Variants in ANKRD55 observed in about 807,000 individuals in gnomAD.
ANKRD55 encodes ankyrin repeat domain 55.
Under a neutral mutation model 60.6 loss-of-function variants are expected in ANKRD55, and 41 were observed. The ratio of observed to expected loss-of-function variants is 0.68; its 90% CI spans 0.53 to 0.88. The LOEUF (loss-of-function observed/expected upper bound fraction) is 0.88, where lower values mean the gene tolerates loss of function less well. Among genes scored for constraint, ANKRD55 ranks in the 40% least tolerant of loss-of-function variants. The pLI, the probability that ANKRD55 is intolerant of heterozygous loss-of-function variation, is 0.00. For synonymous variants in ANKRD55, 264 were observed against 290.3 expected (o/e 0.91, Z 0.92); for missense variants, 732 against 767.6 (o/e 0.95, Z 0.55).
intron 3 of ANKRD55, among the ~76,000 whole-genome samples, chr5:56,183,283 G>A (rs1251737633): frequency 6.6e-6 from 1 of 151,982 alleles, no homozygotes; most frequent in Non-Finnish European, 1.5e-5. Context: ...TGCTCTTTCC[G>A]TACCTTTTCC....
chr5:56,144,455 C>T (rs1217895301), intron 6 of ANKRD55, among the ~76,000 whole-genome samples: 1 of 151,710 alleles, frequency 6.6e-6, no homozygotes, highest in Non-Finnish European at 1.5e-5. Flanking sequence ...TCCTCTATCT[C>T]TAATGCCTAG....
intron 5 of ANKRD55, among the ~76,000 whole-genome samples, chr5:56,166,136 T>TTCTTTCTTTCTTTC (rs1758460535): frequency 9.8e-6 from 1 of 102,116 alleles, no homozygotes; most frequent in Admixed American, 1.0e-4. Context: ...CTTTCTTTCT[T>TTCTTTCTTTCTTTC]TCTTTCTTTC....
chr5:56,229,978 CA>C (rs1760210096), intron 2 of ANKRD55, among the ~76,000 whole-genome samples: 1 of 152,224 alleles, frequency 6.6e-6, no homozygotes. Context: ...ACTGGTTCTG[CA>C]TCTTTGCTGT....
Position 56,172,634 on chromosome 5 carries a change from C to A in ANKRD55, c.313-1831G>T, listed in dbSNP as rs76084050. Among the ~76,000 whole-genome samples the A allele has an allele frequency of 3.4e-3, 522 of 152,146 alleles. 10 individuals carry two copies. Among genetic ancestry groups the A allele is most frequent in the Middle Eastern group, 0.02 (6 of 294 alleles). ...AACCATTGAATATACTATCTGAAAC[C>A]CTTGGTCAGTCACTATTAAGAACCA... On this transcript the variant is annotated intron_variant, in intron 4 of 11. Coordinates refer to ENST00000341048, the MANE Select transcript of ANKRD55 (RefSeq NM_024669.3).
intron 5 of ANKRD55, among the ~76,000 whole-genome samples, chr5:56,167,597 G>C (rs536820388): frequency 2.4e-4 from 36 of 152,320 alleles, no homozygotes; most frequent in African/African-American, 8.2e-4. Context: ...AGCTAGCATT[G>C]CCATAACTAA....
chr5:56,146,552 T>A (rs1198334130), intron 6 of ANKRD55, among the ~76,000 whole-genome samples: 1 of 152,116 alleles, frequency 6.6e-6, no homozygotes, highest in Non-Finnish European at 1.5e-5. Flanking sequence ...AATGCTGGGA[T>A]TACAAGAGTG....
chr5:56,190,372 T>C (rs568043764), intron 2 of ANKRD55, among the ~76,000 whole-genome samples: 7 of 152,340 alleles, frequency 4.6e-5, no homozygotes, highest in African/African-American at 1.7e-4. Context: ...TCTGTGCATT[T>C]GATGTCATAG....
rs543547469 is a variant in ANKRD55, at chr5:56,120,276, C to G, written c.798-3494G>C. Among the ~76,000 whole-genome samples, 15 of 152,256 alleles carry G rather than the reference C, an allele frequency of 9.9e-5. No individual in the cohort carries two copies. In the East Asian group the frequency reaches 2.7e-3, roughly 28 times the overall value. On this transcript the variant is annotated intron_variant, in intron 8 of 11. Coordinates refer to ENST00000341048, the MANE Select transcript of ANKRD55 (RefSeq NM_024669.3). ...GGTTTCGATCTCCTGATCCGCCGTC[C>G]TCGGCCTCCCAAAGTGTTGGAATTA...
Position 56,100,324 on chromosome 5 carries a change from C to G in ANKRD55, c.1724-20G>C, listed in dbSNP as rs1373690553. On this transcript the variant is annotated intron_variant, in intron 11 of 11. Transcript: ENST00000341048. ...ATAGAACTGGGAAGAAAGAATAGAA[C>G]AAGAGACTTTCAAGATTTGCTTCTC... 6.2e-7 allele frequency: 1 copy of G among 1,613,644 alleles called. No individual in the cohort carries two copies.
At chr5:56,226,607 C>A (rs1760115854) in intron 2 of ANKRD55, among the ~76,000 whole-genome samples, 1 of 152,164 alleles carries the variant, frequency 6.6e-6, no homozygotes, top group Non-Finnish European at 1.5e-5. Flanking sequence ...GGGCTAATAT[C>A]CATAATCTAC....
chr5:56,115,826 A>G lies in ANKRD55; in HGVS notation c.965+789T>C, dbSNP rs187947749. 4.9e-3 allele frequency among the ~76,000 whole-genome samples: 741 copies of G among 152,232 alleles called. 7 individuals are homozygous for G. The highest frequency in any genetic ancestry group is 0.017 in the African/African-American group (703 of 41,536). ...TTAATTTAAATGGATAACAATGCAT[A>G]TTTTATTAAAAATTTCTCATTTTAA... On this transcript the variant is annotated intron_variant, in intron 9 of 11. Coordinates refer to ENST00000341048, the MANE Select transcript of ANKRD55 (RefSeq NM_024669.3).
intron 8 of ANKRD55, 125 bp from the exon 9 acceptor site, chr5:56,116,907 A>G: frequency 9.7e-7 from 1 of 1,026,332 alleles, no homozygotes; most frequent in East Asian, 2.9e-5. Context: ...CATTTACAGT[A>G]TAGAAATAGT....
At position 56,134,527 on chromosome 5, in the gene ANKRD55, C is replaced by T. The variant is rs976418043; in HGVS notation, c.613-7421G>A. 1.6e-5 allele frequency among the ~76,000 whole-genome samples: 2 copies of T among 124,792 alleles called. 1 individual carries two copies. The highest frequency in any genetic ancestry group is 1.6e-4 in the Admixed American group (2 of 12,400). The allele number at this position is 124,792 out of a possible 152,430, so 81.9% of individuals were successfully genotyped here. On this transcript the variant is annotated intron_variant, in intron 7 of 11. Transcript: ENST00000341048. ...CCGGGAGTTGGAGGTTGCAGTGAGCCGAGATCGTGTCATTGCACTCCAGCC... is the reference window on the plus strand; with the variant it reads ...CCGGGAGTTGGAGGTTGCAGTGAGCTGAGATCGTGTCATTGCACTCCAGCC...
At chr5:56,170,233 GC>G (rs1758578985) in intron 5 of ANKRD55, among the ~76,000 whole-genome samples, 1 of 152,058 alleles carries the variant, frequency 6.6e-6, no homozygotes, top group Admixed American at 6.6e-5. Context: ...TTTCTTCATA[GC>G]CCTCATCACT....
At chr5:56,192,729 G>C (rs1759130057) in intron 2 of ANKRD55, 7 of 1,356,240 alleles carry the variant, frequency 5.2e-6, no homozygotes, top group Non-Finnish European at 7.3e-6. Flanking sequence ...CATCTAGGAG[G>C]ACAAATGAAC....
rs957620616 is a variant in ANKRD55, at chr5:56,111,054, A to C, written c.1630+64T>G. 3.2e-6 allele frequency: 5 copies of C among 1,541,878 alleles called. No individual in the cohort carries two copies. In the African/African-American group the frequency reaches 6.8e-5, roughly 21 times the overall value. On this transcript the variant is annotated intron_variant, in intron 10 of 11. Coordinates refer to ENST00000341048, the MANE Select transcript of ANKRD55 (RefSeq NM_024669.3). ...TATTGTCACTCCAGTTCCTAGCTTA[A>C]AACTGTACGGGACATTTCCAGTATA...
chr5:56,100,396 G>C (rs1271331846), intron 11 of ANKRD55, 92 bp from the exon 12 acceptor site: 1 of 1,488,378 alleles, frequency 6.7e-7, no homozygotes, highest in African/African-American at 1.4e-5. Flanking sequence ...AGGAGTCGAG[G>C]CATTTCTAAG....
chr5:56,170,583 A>AAAT, intron 5 of ANKRD55, 111 bp downstream of exon 5: 4 of 822,106 alleles, frequency 4.9e-6, no homozygotes, highest in Non-Finnish European at 7.7e-6. Context: ...AAAAAAAAAA[A>AAAT]GATGGTTTTC....
chr5:56,126,627 C>A (rs1213361885), intron 8 of ANKRD55, among the ~76,000 whole-genome samples: 1 of 151,276 alleles, frequency 6.6e-6, no homozygotes, highest in Non-Finnish European at 1.5e-5. Context: ...CCTTTAGGAA[C>A]AAAGAGGGCA....
Sources: allele counts gnomAD v4.1 joint callset (sites outside exome capture counted in the v4.1 genomes callset), GRCh38; gene constraint gnomAD v4.1.1; transcripts MANE v1.5; gene names NCBI Gene and HGNC (gene_info 2026-07-23, HGNC 2026-07-21).